The following FAM178B variants were observed in gnomAD, a reference collection of about 807,000 sequenced individuals.
The protein encoded by FAM178B is family with sequence similarity 178 member B.
In FAM178B, 82 loss-of-function variants were observed where a neutral mutation model predicts 91.7. That is an observed-to-expected ratio of 0.89 (90% CI 0.75 to 1.07). FAM178B has a LOEUF of 1.07. FAM178B is among the 50% of genes least tolerant of loss of function. The probability of loss-of-function intolerance (pLI) is 0.00; values close to 1 mark genes in which losing one functional copy is unlikely to be tolerated. For missense variants in FAM178B, 769 were observed against 846.7 expected (o/e 0.91, Z 1.14); for synonymous variants, 368 against 359.4 (o/e 1.02, Z -0.27).
chr2:96,981,939 G>A (rs1380421432), intron 1 of FAM178B, among the ~76,000 whole-genome samples: 2 of 151,532 alleles, frequency 1.3e-5, no homozygotes, highest in African/African-American at 2.4e-5. Flanking sequence ...ATGGTGGTGT[G>A]CACCTGCAGT....
chr2:96,880,605 T>C (rs2080355904), intron 14 of FAM178B, among the ~76,000 whole-genome samples: 1 of 152,216 alleles, frequency 6.6e-6, no homozygotes, highest in South Asian at 2.1e-4. Context: ...AAAACATTTT[T>C]TTTTTTTGAG....
At position 96,983,018 on chromosome 2, in the gene FAM178B, G is replaced by T. The variant is rs1431992454; in HGVS notation, c.73+3223C>A. On this transcript the variant is annotated intron_variant, in intron 1 of 16. Coordinates refer to ENST00000490605, the MANE Select transcript of FAM178B (RefSeq NM_001122646.3). ...CTCAGCCTCCCGAGTAGCTAGGACT[G>T]CAGGCACACACCACCATGCCTGGCT... is the stretch of plus-strand genomic sequence containing the variant. Among the ~76,000 whole-genome samples, 6 of 151,504 alleles carry T rather than the reference G, an allele frequency of 4.0e-5. 1 individual carries two copies. Among genetic ancestry groups the T allele is most frequent in the African/African-American group, 1.5e-4 (6 of 41,162 alleles).
rs763149410 is a variant in FAM178B, at chr2:96,986,367, G to A, written c.-54C>T. 2 of 1,520,878 alleles carry A rather than the reference G, an allele frequency of 1.3e-6. No individual in the cohort carries two copies. Among genetic ancestry groups the A allele is most frequent in the South Asian group, 1.2e-5 (1 of 82,478 alleles). 94.2% of individuals were successfully genotyped at this position (1,520,878 alleles called of 1,614,324 possible). Reference sequence around the variant, plus strand: ...AGGGAGGGTGGCGGGAATTCGCACGGCCTCAGAGGACGGGGCCAGCTAGCC... The same window carrying A: ...AGGGAGGGTGGCGGGAATTCGCACGACCTCAGAGGACGGGGCCAGCTAGCC... On this transcript the variant is annotated 5_prime_UTR_variant, in exon 1 of 17. Coordinates refer to ENST00000490605, the MANE Select transcript of FAM178B (RefSeq NM_001122646.3).
chr2:96,906,822 G>A (rs2081065533), intron 12 of FAM178B, among the ~76,000 whole-genome samples: 1 of 152,228 alleles, frequency 6.6e-6, no homozygotes. Context: ...GGAACACAGT[G>A]GGAGGTCAAT....
chr2:96,886,974 G>A (rs1211590698), intron 14 of FAM178B, among the ~76,000 whole-genome samples: 1 of 152,188 alleles, frequency 6.6e-6, no homozygotes, highest in East Asian at 1.9e-4. Flanking sequence ...CAGCACTTTG[G>A]GAGGCAGAGG....
At chr2:96,896,240 G>A (rs1265003541) in intron 13 of FAM178B, among the ~76,000 whole-genome samples, 2 of 152,220 alleles carry the variant, frequency 1.3e-5, no homozygotes, top group African/African-American at 4.8e-5. Flanking sequence ...GCACTCTTGC[G>A]ATGCTTGCTC....
At chr2:96,878,806 T>C (rs1289965663) in intron 14 of FAM178B, among the ~76,000 whole-genome samples, 2 of 152,152 alleles carry the variant, frequency 1.3e-5, no homozygotes, top group African/African-American at 2.4e-5. Flanking sequence ...CCCCCAGCCT[T>C]GTGCTGGGGC....
chr2:96,907,383 G>A (rs989344365), intron 12 of FAM178B, among the ~76,000 whole-genome samples: 1 of 152,178 alleles, frequency 6.6e-6, no homozygotes, highest in African/African-American at 2.4e-5. Context: ...GGCTGAGGCT[G>A]GCTGTGGGCT....
intron 6 of FAM178B, among the ~76,000 whole-genome samples, chr2:96,954,083 A>T (rs1263928134): frequency 2.6e-5 from 4 of 152,220 alleles, no homozygotes; most frequent in Non-Finnish European, 5.9e-5. Context: ...TCCACGGCCA[A>T]GCCAATGCTG....
At chr2:96,928,224 A>C (rs572185320) in intron 9 of FAM178B, among the ~76,000 whole-genome samples, 1 of 152,168 alleles carries the variant, frequency 6.6e-6, no homozygotes, top group South Asian at 2.1e-4. Context: ...CATGGGGGGA[A>C]GTCCTATACA....
chr2:96,945,027 C>T (rs2081799445), intron 8 of FAM178B, among the ~76,000 whole-genome samples: 1 of 152,148 alleles, frequency 6.6e-6, no homozygotes, highest in African/African-American at 2.4e-5. Context: ...CATTTAATCC[C>T]CTCCCACCTA....
chr2:96,879,474 T>C (rs1250544068), intron 14 of FAM178B, among the ~76,000 whole-genome samples: 1 of 152,212 alleles, frequency 6.6e-6, no homozygotes, highest in Non-Finnish European at 1.5e-5. Flanking sequence ...TGCAGCTTCT[T>C]TGCACAGGCC....
intron 10 of FAM178B, among the ~76,000 whole-genome samples, chr2:96,922,409 G>A (rs2081357170): frequency 6.6e-6 from 1 of 152,216 alleles, no homozygotes; most frequent in Non-Finnish European, 1.5e-5. Flanking sequence ...GAGTGCAGTG[G>A]CGCCATCTTG....
intron 4 of FAM178B, among the ~76,000 whole-genome samples, 170 bp downstream of exon 4, chr2:96,970,546 G>T (rs2082203490): frequency 6.6e-6 from 1 of 152,174 alleles, no homozygotes; most frequent in Non-Finnish European, 1.5e-5. Flanking sequence ...CTGCCTTGGT[G>T]ATGCCACCCC....
intron 4 of FAM178B, among the ~76,000 whole-genome samples, chr2:96,969,783 C>A (rs61009229): frequency 3.3e-5 from 5 of 152,142 alleles, no homozygotes; most frequent in African/African-American, 9.7e-5. Flanking sequence ...AGGGGCTGCA[C>A]AGCAGAGGCA....
At chr2:96,925,179 G>T (rs2081416292) in intron 9 of FAM178B, among the ~76,000 whole-genome samples, 1 of 152,146 alleles carries the variant, frequency 6.6e-6, no homozygotes, top group South Asian at 2.1e-4. Flanking sequence ...GTGCTTTCAG[G>T]TTTCTCAGCA....
intron 4 of FAM178B, among the ~76,000 whole-genome samples, chr2:96,967,911 C>CTTTTTTTTTTT (rs60965536): frequency 0.3 from 18,621 of 62,316 alleles, 6,741 homozygotes; most frequent in Non-Finnish European, 0.46. Flanking sequence ...CCTGTTTGGT[C>CTTTTTTTTTTT]TTTTTTTTTT....
At chr2:96,958,755 T>C (rs13021723) in intron 6 of FAM178B, among the ~76,000 whole-genome samples, 107,688 of 140,802 alleles carry the variant, frequency 0.76, 41,906 homozygotes, top group Middle Eastern at 0.85. Flanking sequence ...AATCTGAGCA[T>C]TAACTGATAT....
Position 96,893,902 on chromosome 2 carries a change from G to A in FAM178B, c.1776+24C>T, listed in dbSNP as rs772553566. On this transcript the variant is annotated intron_variant, in intron 14 of 16. Transcript: ENST00000490605. ...TGGTGGTGGCACCGTGGTGGAGGCAGGCGGGTGCTGGGTGCTCACTCACCT... is the reference window on the plus strand; with the variant it reads ...TGGTGGTGGCACCGTGGTGGAGGCAAGCGGGTGCTGGGTGCTCACTCACCT... 3 of 1,605,980 alleles carry A rather than the reference G, an allele frequency of 1.9e-6. No homozygotes were observed. In the African/African-American group the frequency reaches 4.0e-5, roughly 21 times the overall value.
Sources: gnomAD v4.1 joint callset for allele counts (sites outside exome capture counted in the v4.1 genomes callset) on GRCh38, gnomAD v4.1.1 for gene constraint, MANE v1.5 for transcripts, NCBI Gene and HGNC (gene_info 2026-07-23, HGNC 2026-07-21) for gene names.